The following MYO5A variants were observed in gnomAD, a reference collection of about 807,000 sequenced individuals.
MYO5A encodes unconventional myosin-Va.
MYO5A carries 98 observed loss-of-function variants against 249.7 expected under a neutral mutation model. The ratio of observed to expected loss-of-function variants is 0.39; its 90% CI spans 0.33 to 0.46. The LOEUF (loss-of-function observed/expected upper bound fraction) is 0.46, where lower values mean the gene tolerates loss of function less well. Ranked by LOEUF, MYO5A falls within the 20% of genes least tolerant of loss-of-function variation. The pLI is 0.98. For synonymous variants in MYO5A, 778 were observed against 810.6 expected (o/e 0.96, Z 0.68); for missense variants, 1,696 against 2,308.8 (o/e 0.73, Z 5.44).
intron 3 of MYO5A, 135 bp downstream of exon 3, chr15:52,428,263 C>G: frequency 2.2e-6 from 2 of 896,808 alleles, no homozygotes; most frequent in Non-Finnish European, 3.6e-6. Flanking sequence ...GTAAATCTTT[C>G]TGATAACGCT....
chr15:52,397,497 A>G (rs2042542589), intron 9 of MYO5A, 31 bp from the exon 10 acceptor site: 1 of 1,610,090 alleles, frequency 6.2e-7, no homozygotes, highest in Non-Finnish European at 8.5e-7. Context: ...ATTTCCTATG[A>G]CCAGATAAAT....
chr15:52,496,365 T>C, intron 1 of MYO5A, among the ~76,000 whole-genome samples: 1 of 151,444 alleles, frequency 6.6e-6, no homozygotes, highest in African/African-American at 2.4e-5. Context: ...GCTTCAAGTT[T>C]ACAGGTGTAA....
At chr15:52,360,917 C>T (rs2040489341) in intron 24 of MYO5A, among the ~76,000 whole-genome samples, 1 of 152,140 alleles carries the variant, frequency 6.6e-6, no homozygotes, top group African/African-American at 2.4e-5. Flanking sequence ...TGTTACAGTC[C>T]TGAGGGCTTC....
intron 1 of MYO5A, among the ~76,000 whole-genome samples, chr15:52,445,501 T>C (rs1329276628): frequency 6.6e-6 from 1 of 152,200 alleles, no homozygotes; most frequent in African/African-American, 2.4e-5. Context: ...AGTGAGGGAT[T>C]GCCTCACATA....
intron 36 of MYO5A, among the ~76,000 whole-genome samples, chr15:52,327,164 T>C (rs1567022232): frequency 6.6e-6 from 1 of 152,244 alleles, no homozygotes; most frequent in Non-Finnish European, 1.5e-5. Flanking sequence ...ATGAGCCATA[T>C]CTTAAACTTA....
intron 1 of MYO5A, chr15:52,505,700 G>C (rs1263072868): frequency 5.4e-6 from 7 of 1,299,966 alleles, no homozygotes; most frequent in African/African-American, 1.5e-5. Flanking sequence ...GTCTTAGTCT[G>C]GGACTCATCT....
chr15:52,505,565 A>G, intron 1 of MYO5A: 1 of 1,569,212 alleles, frequency 6.4e-7, no homozygotes. Flanking sequence ...CTTGCACAAT[A>G]TGAATCAAAG....
intron 34 of MYO5A, among the ~76,000 whole-genome samples, chr15:52,335,347 C>T (rs900435912): frequency 6.6e-6 from 1 of 151,902 alleles, no homozygotes; most frequent in Admixed American, 6.6e-5. Context: ...GAAACCCCGT[C>T]TCTACTAAAA....
At chr15:52,402,135 G>A (rs1158006904) in intron 9 of MYO5A, among the ~76,000 whole-genome samples, 2 of 152,158 alleles carry the variant, frequency 1.3e-5, no homozygotes, top group Non-Finnish European at 2.9e-5. Context: ...TCTGTCAGGC[G>A]CCTAGGCCAC....
intron 1 of MYO5A, among the ~76,000 whole-genome samples, chr15:52,469,499 A>G (rs1054113154): frequency 1.3e-5 from 2 of 152,108 alleles, no homozygotes; most frequent in African/African-American, 2.4e-5. Context: ...GAGGAAGAGG[A>G]GGGCTTGGTC....
rs913134790 is a variant in MYO5A at position 52,308,120 on chromosome 15, T to C, written c.*5576A>G. The C allele has an allele frequency of 1.3e-5, 2 of 152,148 alleles. No homozygotes were observed. Among genetic ancestry groups the C allele is most frequent in the African/African-American group, 4.8e-5 (2 of 41,430 alleles). 9.4% of individuals were successfully genotyped at this position (152,148 alleles called of 1,614,324 possible). ...ACCAGTTTCAACTAAAAAACAACAT[T>C]TTTTCTTTCAAATATTTCAAGCATT... On this transcript the variant is annotated 3_prime_UTR_variant, in exon 42 of 42. Transcript: ENST00000399233.
intron 1 of MYO5A, among the ~76,000 whole-genome samples, chr15:52,512,666 T>G (rs1015338061): frequency 1.3e-5 from 2 of 152,214 alleles, no homozygotes; most frequent in African/African-American, 4.8e-5. Context: ...TTTTATACCT[T>G]TTTAAATAGT....
chr15:52,510,587 T>C (rs1360365546), intron 1 of MYO5A, among the ~76,000 whole-genome samples: 1 of 152,226 alleles, frequency 6.6e-6, no homozygotes, highest in African/African-American at 2.4e-5. Flanking sequence ...AGATCAGCAG[T>C]GGCATTAGAT....
chr15:52,525,710 G>T (rs998815420), intron 1 of MYO5A, among the ~76,000 whole-genome samples: 7 of 152,176 alleles, frequency 4.6e-5, no homozygotes, highest in African/African-American at 1.7e-4. Flanking sequence ...CTTATCCACT[G>T]ATAATACTTC....
intron 32 of MYO5A, among the ~76,000 whole-genome samples, chr15:52,339,533 A>G (rs2039283748): frequency 6.6e-6 from 1 of 151,964 alleles, no homozygotes; most frequent in Non-Finnish European, 1.5e-5. Context: ...GAAAAAAAAA[A>G]AGGAACAAGG....
chr15:52,490,778 G>A (rs10152941), intron 1 of MYO5A, among the ~76,000 whole-genome samples: 2,361 of 152,210 alleles, frequency 0.016, 66 homozygotes, highest in African/African-American at 0.054. Context: ...GAGTGCAGTG[G>A]TGTGATGATC....
At chr15:52,522,448 T>A (rs1388010560) in intron 1 of MYO5A, among the ~76,000 whole-genome samples, 1 of 152,190 alleles carries the variant, frequency 6.6e-6, no homozygotes, top group Non-Finnish European at 1.5e-5. Flanking sequence ...CACTGTAGGA[T>A]GGAGGACATG....
chr15:52,323,218 A>C, intron 37 of MYO5A, 137 bp downstream of exon 37: 1 of 703,958 alleles, frequency 1.4e-6, no homozygotes. Flanking sequence ...TGAACATCAA[A>C]CAAAGCAAGA....
intron 5 of MYO5A, among the ~76,000 whole-genome samples, chr15:52,413,910 T>C (rs1344291434): frequency 6.6e-6 from 1 of 152,204 alleles, no homozygotes; most frequent in Non-Finnish European, 1.5e-5. Flanking sequence ...CAGGGCATAT[T>C]CTTTATAATT....
Sources: allele counts gnomAD v4.1 joint callset (sites outside exome capture counted in the v4.1 genomes callset), GRCh38; gene constraint gnomAD v4.1.1; transcripts MANE v1.5; gene names NCBI Gene and HGNC (gene_info 2026-07-23, HGNC 2026-07-21).